Variants in TAS2R1 observed in about 807,000 individuals in gnomAD.
The protein encoded by TAS2R1 is taste 2 receptor member 1.
For missense variants in TAS2R1, 370 were observed against 353.4 expected, an observed-to-expected ratio of 1.05 and a Z score of -0.38; for synonymous variants, 141 against 134.2, an observed-to-expected ratio of 1.05 and a Z score of -0.35.
chr5:9,889,516 T>C, the TAS2R1 span: 1 of 152,214 alleles, frequency 6.6e-6, no homozygotes, highest in Non-Finnish European at 1.5e-5. Flanking sequence ...CTGTTGAGTT[T>C]ACAGTTGAAT....
At chr5:9,831,838 T>C in the TAS2R1 span, among the ~76,000 whole-genome samples, 1 of 152,202 alleles carries the variant, frequency 6.6e-6, no homozygotes, top group Non-Finnish European at 1.5e-5. Context: ...AAAAGGTCGT[T>C]AGGTCTTTCT....
At chr5:9,718,257 CTG>C in the TAS2R1 span, among the ~76,000 whole-genome samples, 2 of 151,798 alleles carry the variant, frequency 1.3e-5, no homozygotes, top group Non-Finnish European at 2.9e-5. Flanking sequence ...GCGTGAGCCA[CTG>C]CGCCCAGCCA....
the TAS2R1 span, among the ~76,000 whole-genome samples, chr5:9,892,966 C>T: frequency 0.17 from 26,579 of 152,124 alleles, 2,499 homozygotes; most frequent in Non-Finnish European, 0.23. Context: ...TGATCATGCA[C>T]CAGACAAAGC....
chr5:9,737,541 C>T, the TAS2R1 span, among the ~76,000 whole-genome samples: 1 of 152,180 alleles, frequency 6.6e-6, no homozygotes, highest in Non-Finnish European at 1.5e-5. Context: ...TCCCCTTCTG[C>T]AGGTCCAGCC....
the TAS2R1 span, among the ~76,000 whole-genome samples, chr5:9,753,652 G>A: frequency 1.3e-5 from 2 of 152,102 alleles, no homozygotes; most frequent in Admixed American, 1.3e-4. Context: ...TATTGCCTAG[G>A]TTTTCTTCTA....
At chr5:9,786,636 G>A in the TAS2R1 span, among the ~76,000 whole-genome samples, 88 of 152,282 alleles carry the variant, frequency 5.8e-4, no homozygotes, top group African/African-American at 1.9e-3. Context: ...GCTGAGCATC[G>A]AGATTCCATA....
At chr5:9,729,901 T>C in the TAS2R1 span, among the ~76,000 whole-genome samples, 1 of 152,194 alleles carries the variant, frequency 6.6e-6, no homozygotes, top group African/African-American at 2.4e-5. Context: ...TTCAGAGTGA[T>C]ATCCACAGAT....
chr5:9,875,852 G>A, the TAS2R1 span, among the ~76,000 whole-genome samples: 51 of 152,226 alleles, frequency 3.4e-4, no homozygotes, highest in African/African-American at 1.2e-3. Flanking sequence ...GGTGAGTCCC[G>A]GAAAAAGTGC....
At chr5:9,903,258 A>C in the TAS2R1 span, among the ~76,000 whole-genome samples, 7 of 152,076 alleles carry the variant, frequency 4.6e-5, no homozygotes, top group Non-Finnish European at 1.0e-4. Flanking sequence ...AAGTGAGAAC[A>C]TGTGATGTTT....
chr5:9,827,327 C>T, the TAS2R1 span, among the ~76,000 whole-genome samples: 1 of 152,184 alleles, frequency 6.6e-6, no homozygotes, highest in Non-Finnish European at 1.5e-5. Flanking sequence ...TTGTCCTAGT[C>T]CAGTCCATCT....
At chr5:9,731,160 C>T in the TAS2R1 span, among the ~76,000 whole-genome samples, 1 of 152,062 alleles carries the variant, frequency 6.6e-6, no homozygotes. Flanking sequence ...GCAGCCAGCC[C>T]ACGCCCAAGC....
intron 1 of TAS2R1, among the ~76,000 whole-genome samples, chr5:9,661,875 A>C (rs547809397): frequency 2.6e-5 from 4 of 152,272 alleles, no homozygotes; most frequent in African/African-American, 9.6e-5. Flanking sequence ...CCTCAAACAA[A>C]CCACCCAAAC....
chr5:9,851,889 T>C, the TAS2R1 span, among the ~76,000 whole-genome samples: 1 of 152,162 alleles, frequency 6.6e-6, no homozygotes, highest in Admixed American at 6.5e-5. Context: ...TCCAGTCTGT[T>C]TATTGTCTGC....
intron 1 of TAS2R1, among the ~76,000 whole-genome samples, chr5:9,703,647 A>G (rs2126527531): frequency 6.6e-6 from 1 of 152,258 alleles, no homozygotes; most frequent in Non-Finnish European, 1.5e-5. Flanking sequence ...TTAAATGGCC[A>G]CCAAGAAACC....
chr5:9,903,563 G>A, the TAS2R1 span: 2 of 152,010 alleles, frequency 1.3e-5, no homozygotes, highest in African/African-American at 2.4e-5. Flanking sequence ...TGATGAGTGA[G>A]AACAGATGAT....
chr5:9,639,830 G>A (rs1410140248), intron 2 of TAS2R1, among the ~76,000 whole-genome samples: 2 of 152,174 alleles, frequency 1.3e-5, no homozygotes, highest in Non-Finnish European at 2.9e-5. Context: ...CAATTGATGA[G>A]AGTTAGAGCC....
chr5:9,857,578 T>C, the TAS2R1 span, among the ~76,000 whole-genome samples: 11 of 152,190 alleles, frequency 7.2e-5, no homozygotes, highest in Admixed American at 2.6e-4. Context: ...AGCTTAAAAG[T>C]TGAAGGAAAA....
the TAS2R1 span, among the ~76,000 whole-genome samples, chr5:9,720,747 G>T: frequency 6.6e-6 from 1 of 152,176 alleles, no homozygotes; most frequent in Non-Finnish European, 1.5e-5. Flanking sequence ...CAGATGAGAG[G>T]GAAGGAGCAG....
At chr5:9,783,540 C>G in the TAS2R1 span, among the ~76,000 whole-genome samples, 1 of 152,124 alleles carries the variant, frequency 6.6e-6, no homozygotes, top group African/African-American at 2.4e-5. Context: ...GAGTGTAAGC[C>G]CAGTTTCTCA....
Sources: allele counts gnomAD v4.1 joint callset (sites outside exome capture counted in the v4.1 genomes callset), GRCh38; gene constraint gnomAD v4.1.1; transcripts MANE v1.5; gene names NCBI Gene and HGNC (gene_info 2026-07-23, HGNC 2026-07-21).